Variants in SOS1 observed in about 807,000 individuals in gnomAD.
The protein encoded by SOS1 is SOS Ras/Rac guanine nucleotide exchange factor 1, also known as son of sevenless homolog 1.
In SOS1, 25 loss-of-function variants were observed where a neutral mutation model predicts 157.6. The ratio of observed to expected loss-of-function variants is 0.16; its 90% CI spans 0.12 to 0.22. The LOEUF (loss-of-function observed/expected upper bound fraction) is 0.22. Ranked by LOEUF, SOS1 falls within the 10% of genes least tolerant of loss-of-function variation. The pLI is 1.00. For missense variants in SOS1, 1,237 were observed against 1,599.1 expected (o/e 0.77, Z 3.86); for synonymous variants, 528 against 534.0 (o/e 0.99, Z 0.16).
intron 1 of SOS1, among the ~76,000 whole-genome samples, chr2:39,083,339 A>G (rs998310259): frequency 6.6e-6 from 1 of 152,202 alleles, no homozygotes; most frequent in Non-Finnish European, 1.5e-5. Context: ...GATGAGGCAA[A>G]AGAATCAGGA....
chr2:39,010,525 C>G, intron 15 of SOS1, 59 bp downstream of exon 15: 38 of 1,510,308 alleles, frequency 2.5e-5, no homozygotes, highest in Non-Finnish European at 3.4e-5. Context: ...AAAAAAATTG[C>G]ATTGAAATTC....
At chr2:39,015,469 T>G (rs1241386301) in intron 10 of SOS1, among the ~76,000 whole-genome samples, 1 of 152,092 alleles carries the variant, frequency 6.6e-6, no homozygotes, top group Non-Finnish European at 1.5e-5. Context: ...TATTCCAACC[T>G]TTAATTGCCT....
intron 20 of SOS1, chr2:38,992,675 T>C (rs923058568): frequency 5.3e-5 from 8 of 152,220 alleles, no homozygotes; most frequent in African/African-American, 1.9e-4. Flanking sequence ...TTGCAACTGA[T>C]GGCTTTTATG....
intron 5 of SOS1, 51 bp from the exon 6 acceptor site, chr2:39,051,338 T>G (rs752767573): frequency 2.6e-6 from 4 of 1,538,054 alleles, no homozygotes; most frequent in Middle Eastern, 2.0e-4. Flanking sequence ...ATTATAATAT[T>G]AAACAAATTT....
intron 1 of SOS1, among the ~76,000 whole-genome samples, chr2:39,086,012 T>G (rs1303952207): frequency 6.6e-6 from 1 of 152,232 alleles, no homozygotes; most frequent in Non-Finnish European, 1.5e-5. Flanking sequence ...GTTCTTTCAA[T>G]TACCAGAGTG....
At chr2:39,109,278 G>T (rs1471340406) in intron 1 of SOS1, among the ~76,000 whole-genome samples, 1 of 152,182 alleles carries the variant, frequency 6.6e-6, no homozygotes, top group Non-Finnish European at 1.5e-5. Context: ...TACAAGGACA[G>T]TCTCCTAGCT....
At chr2:39,091,527 T>C (rs1230427545) in intron 1 of SOS1, among the ~76,000 whole-genome samples, 2 of 151,304 alleles carry the variant, frequency 1.3e-5, no homozygotes, top group Non-Finnish European at 2.9e-5. Context: ...CTCACCTCAT[T>C]CATGAACAAA....
chr2:39,062,886 T>C (rs913260544), intron 2 of SOS1, among the ~76,000 whole-genome samples: 4 of 152,006 alleles, frequency 2.6e-5, no homozygotes, highest in African/African-American at 9.7e-5. Flanking sequence ...GGGAAAGAAA[T>C]AGATTGAAGC....
chr2:39,049,052 G>C (rs527282550), intron 6 of SOS1, among the ~76,000 whole-genome samples: 3 of 151,926 alleles, frequency 2.0e-5, no homozygotes, highest in African/African-American at 4.8e-5. Context: ...CGAGTAGCTG[G>C]GATTACAGAC....
chr2:38,986,208 G>C lies in SOS1; in HGVS notation c.3618C>G (p.Asp1206Glu), dbSNP rs766488137. ...GTAATAAGGGAGGGCTTTCAGGAGG[G>C]TCTGAGATAGAGGTCCGGTCTGATA... ...YSISDRTSIS[D>E]PPESPPLLPP... The change falls in exon 23 of 23, where the codon GAC (aspartate) becomes GAG (glutamate). Residue 1206 changes from aspartate (D) to glutamate (E), a missense_variant. By Grantham distance (45) the Asp-to-Glu change is conservative. This residue lies in a region of SOS1 where 306 missense variants were observed against 322.6 expected (regional missense o/e 0.95). Transcript: ENST00000402219. The C allele has an allele frequency of 1.2e-6, 2 of 1,613,918 alleles. No homozygotes were observed. Among genetic ancestry groups the C allele is most frequent in the Non-Finnish European group, 1.7e-6 (2 of 1,179,900 alleles).
intron 1 of SOS1, among the ~76,000 whole-genome samples, chr2:39,090,173 C>T (rs891210875): frequency 1.3e-5 from 2 of 148,928 alleles, no homozygotes; most frequent in South Asian, 2.1e-4. Flanking sequence ...TGTGCATAAA[C>T]ACTAAATGCA....
chr2:39,121,782 G>T (rs1251791899), upstream of SOS1, among the ~76,000 whole-genome samples: 1 of 152,168 alleles, frequency 6.6e-6, no homozygotes, highest in Non-Finnish European at 1.5e-5. Flanking sequence ...GTGTAGAACA[G>T]GCACTCAGTC....
intron 6 of SOS1, among the ~76,000 whole-genome samples, chr2:39,044,551 C>T (rs374885416): frequency 1.3e-5 from 2 of 152,080 alleles, no homozygotes; most frequent in African/African-American, 4.8e-5. Flanking sequence ...AAACTTAATC[C>T]TCAAGGCAAC....
chr2:39,056,647 C>G (rs1671224251), intron 4 of SOS1, 55 bp downstream of exon 4: 1 of 1,119,286 alleles, frequency 8.9e-7, no homozygotes, highest in African/African-American at 1.5e-5. Flanking sequence ...ACGTTAGCAT[C>G]TAATAAGTCA....
At chr2:38,992,074 C>G (rs1479350703) in intron 20 of SOS1, among the ~76,000 whole-genome samples, 1 of 152,172 alleles carries the variant, frequency 6.6e-6, no homozygotes, top group African/African-American at 2.4e-5. Flanking sequence ...CAAGGCAGTT[C>G]TTTTCTGCCA....
At chr2:39,043,505 T>C in intron 6 of SOS1, among the ~76,000 whole-genome samples, 1 of 152,224 alleles carries the variant, frequency 6.6e-6, no homozygotes, top group Non-Finnish European at 1.5e-5. Flanking sequence ...AACTGTTTCC[T>C]GAAGATTGGC....
rs1673835744 is a variant in SOS1 at position 39,120,515 on chromosome 2, C to T, written c.-93G>A. The T allele has an allele frequency of 8.5e-7, 1 of 1,178,878 alleles. No individual in the cohort carries two copies. Among genetic ancestry groups the T allele is most frequent in the African/African-American group, 1.6e-5 (1 of 61,720 alleles). The allele number at this position is 1,178,878 out of a possible 1,614,324, so 73.0% of individuals were successfully genotyped here. On this transcript the variant is annotated 5_prime_UTR_variant, in exon 1 of 23. Transcript: ENST00000402219. ...GCGAGCTCGCAGCGCGGAACAGGGC[C>T]GCGGCCCCACCGGACGGCCCGGCCC... is the stretch of plus-strand genomic sequence containing the variant.
intron 4 of SOS1, 70 bp downstream of exon 4, chr2:39,056,632 A>G: frequency 1.1e-6 from 1 of 941,250 alleles, no homozygotes; most frequent in Non-Finnish European, 1.7e-6. Flanking sequence ...TTCTATATGA[A>G]TAGTACGTTA....
At chr2:39,068,869 A>G (rs1377652565) in intron 1 of SOS1, among the ~76,000 whole-genome samples, 1 of 152,140 alleles carries the variant, frequency 6.6e-6, no homozygotes, top group African/African-American at 2.4e-5. Context: ...GCAAGAAAAG[A>G]CAGTTCCAGG....
Sources: allele counts gnomAD v4.1 joint callset (sites outside exome capture counted in the v4.1 genomes callset), GRCh38; gene constraint gnomAD v4.1.1; regional missense constraint gnomAD v4.1.1; transcripts MANE v1.5; gene names NCBI Gene and HGNC (gene_info 2026-07-23, HGNC 2026-07-21).